Variants in UNC13A observed in about 807,000 individuals in gnomAD.
The protein encoded by UNC13A is unc-13 homolog A, also known as protein unc-13 homolog A.
A neutral mutation model predicts 219.7 loss-of-function variants in UNC13A; 61 were observed. That is an observed-to-expected ratio of 0.28 (90% CI 0.23 to 0.34). UNC13A has a LOEUF of 0.34. UNC13A is among the 10% of genes least tolerant of loss of function. The pLI is 1.00. For synonymous variants in UNC13A, 920 were observed against 884.6 expected, an observed-to-expected ratio of 1.04 and a Z score of -0.71; for missense variants, 1,476 against 2,270.3, an observed-to-expected ratio of 0.65 and a Z score of 7.11.
intron 15 of UNC13A, 74 bp downstream of exon 15, chr19:17,648,838 A>C: frequency 6.5e-7 from 1 of 1,535,848 alleles, no homozygotes; most frequent in South Asian, 1.2e-5. Context: ...GGGGACCCAC[A>C]GAGGCTTGGA....
intron 43 of UNC13A, among the ~76,000 whole-genome samples, chr19:17,609,475 A>G (rs2076578714): frequency 6.6e-6 from 1 of 151,984 alleles, no homozygotes; most frequent in South Asian, 2.1e-4. Flanking sequence ...GGCTGCCCCA[A>G]CGGTCCTGAC....
intron 1 of UNC13A, among the ~76,000 whole-genome samples, chr19:17,678,790 G>C (rs1294660150): frequency 6.6e-6 from 1 of 152,082 alleles, no homozygotes; most frequent in Non-Finnish European, 1.5e-5. Flanking sequence ...AGGGGCAAGA[G>C]GTAGAATGTG....
In UNC13A at chr19:17,630,820, G is replaced by A. The variant is rs910997433; in HGVS notation, c.3429-70C>T. The A allele has an allele frequency of 9.0e-6, 13 of 1,437,924 alleles. No individual in the cohort carries two copies. In the South Asian group the frequency reaches 1.2e-4, roughly 13 times the overall value. 89.1% of individuals were successfully genotyped at this position (1,437,924 alleles called of 1,614,324 possible). A position where few individuals can be genotyped will look rare whatever the true frequency, so the allele number is the denominator to read the frequency against. On this transcript the variant is annotated intron_variant, in intron 28 of 43. Transcript: ENST00000519716. Reference sequence around the variant, plus strand: ...CTCAACCTCTGCGCCGCCTGGTTCTGACCCACTAACGAGTGGAGCTATGGC... The same window carrying A: ...CTCAACCTCTGCGCCGCCTGGTTCTAACCCACTAACGAGTGGAGCTATGGC...
Position 17,653,964 on chromosome 19 carries a change from C to T in UNC13A, c.1393-1287G>A, listed in dbSNP as rs959011031. On this transcript the variant is annotated intron_variant, in intron 11 of 43. Transcript: ENST00000519716. The stretch of plus-strand genomic sequence containing the variant: ...GCCTCAGCCTCCCGAGTAGCTGGGA[C>T]TACAGGCGCCTGCAACCACAGCCGG... Among the ~76,000 whole-genome samples, 40 of 151,684 alleles carry T rather than the reference C, an allele frequency of 2.6e-4. 1 individual carries two copies. Among genetic ancestry groups the T allele is most frequent in the African/African-American group, 9.2e-4 (38 of 41,282 alleles).
intron 4 of UNC13A, among the ~76,000 whole-genome samples, chr19:17,670,813 A>T (rs1254559951): frequency 6.6e-6 from 1 of 151,966 alleles, no homozygotes; most frequent in Non-Finnish European, 1.5e-5. Context: ...TTGAGGCAGG[A>T]GAATCACTTA....
At position 17,618,930 on chromosome 19, in the gene UNC13A, C is replaced by T. The variant is rs191793337; in HGVS notation, c.4305G>A (p.Glu1435=). ...CCTTGAGTTTGGACAGCTGACCCAG[C>T]TCCTTGGCTGCATTGAAGATCATCT... ...GTQMIFNAAK[E]LGQLSKLKDH... is the part of the protein sequence containing the mutation. The change falls in exon 39 of 44, where the codon GAG becomes GAA. Residue 1435 remains glutamate (E), a synonymous_variant. Transcript: ENST00000519716. 5.5e-4 allele frequency: 883 copies of T among 1,614,030 alleles called. 6 individuals are homozygous for T. The African/African-American group carries it at 6.6e-3, about 12-fold the overall frequency.
Position 17,617,742 on chromosome 19 carries a change from G to T in UNC13A, c.4518C>A (p.Asp1506Glu), listed in dbSNP as rs1435226513. 1 of 1,613,976 alleles carries T rather than the reference G, an allele frequency of 6.2e-7. No homozygotes were observed. ...TCTGTACAAAGGTCTTGATTAGCAGGTCGGTGGCCTGCGTGTAGAGCGACA... is the reference window on the plus strand; with the variant it reads ...TCTGTACAAAGGTCTTGATTAGCAGTTCGGTGGCCTGCGTGTAGAGCGACA... ...YALSLYTQAT[D>E]LLIKTFVQTQ... Residue 1506 changes from aspartate to glutamate, a missense_variant, in exon 41 of 44, where the codon GAC (aspartate) becomes GAA (glutamate). Physicochemically the swap from Asp to Glu is conservative, Grantham distance 45. Transcript: ENST00000519716.
chr19:17,648,343 T>C, intron 16 of UNC13A, 88 bp downstream of exon 16: 6 of 210,282 alleles, frequency 2.9e-5, no homozygotes, highest in South Asian at 5.4e-5. Context: ...GCCCCACCCA[T>C]CGCCTTGCCC....
Position 17,627,450 on chromosome 19 carries a change from G to A in UNC13A, c.3920+59C>T. 1 of 1,351,364 alleles carries A rather than the reference G, an allele frequency of 7.4e-7. No individual in the cohort carries two copies. The highest frequency in any genetic ancestry group is 1.3e-5 in the South Asian group (1 of 79,630). The allele number at this position is 1,351,364 out of a possible 1,614,324, so 83.7% of individuals were successfully genotyped here. A position where few individuals can be genotyped will look rare whatever the true frequency, so the allele number is the denominator to read the frequency against. ...TCTGCTGAGCCTCCAGATGCCCCAG[G>A]CTTAGAGGGCTGAAGGCTGTTCCCT... On this transcript the variant is annotated intron_variant, in intron 33 of 43. Coordinates refer to ENST00000519716, the MANE Select transcript of UNC13A (RefSeq NM_001080421.3). This position sits in a 1 kb window ranked among gnomAD's most constrained non-coding sequence, Gnocchi z 4.7.
chr19:17,678,365 G>A (rs2079940652), intron 1 of UNC13A, among the ~76,000 whole-genome samples: 2 of 152,152 alleles, frequency 1.3e-5, no homozygotes, highest in Non-Finnish European at 2.9e-5. Flanking sequence ...TCTAATCCCA[G>A]CTACTCGGGA....
In UNC13A at chr19:17,649,204, C is replaced by A; in HGVS notation, c.1524+135G>T. 1 of 1,411,476 alleles carries A rather than the reference C, an allele frequency of 7.1e-7. No homozygotes were observed. The highest frequency in any genetic ancestry group is 9.7e-7 in the Non-Finnish European group (1 of 1,034,314). The allele number at this position is 1,411,476 out of a possible 1,614,324, so 87.4% of individuals were successfully genotyped here. On this transcript the variant is annotated intron_variant, in intron 14 of 43. Transcript: ENST00000519716. The surrounding 1 kb of genome is among the most constrained non-coding windows in gnomAD (Gnocchi z 4.4). ...CCCTGGAAAGTGAGCAGCCCCGCACCCCTGACTCACAGCATCCAACACAGT... is the reference window on the plus strand; with the variant it reads ...CCCTGGAAAGTGAGCAGCCCCGCACACCTGACTCACAGCATCCAACACAGT...
chr19:17,669,774 C>T, intron 4 of UNC13A, 98 bp from the exon 5 acceptor site: 3 of 1,388,750 alleles, frequency 2.2e-6, no homozygotes, highest in Non-Finnish European at 1.9e-6. Context: ...CACCCCTACC[C>T]CAAAACCAAA....
chr19:17,617,672 G>C, intron 41 of UNC13A, 30 bp downstream of exon 41: 1 of 1,606,474 alleles, frequency 6.2e-7, no homozygotes, highest in Non-Finnish European at 8.5e-7. Flanking sequence ...CGCGGAGCGG[G>C]AAAGGGTGAT....
In UNC13A at chr19:17,674,757, C is replaced by T. The variant is rs2079864139; in HGVS notation, c.53-1G>A. On this transcript the variant is annotated splice_acceptor_variant, in intron 2 of 43. Transcript: ENST00000519716. LOFTEE classifies it high-confidence loss of function. The surrounding 1 kb of genome is among the most constrained non-coding windows in gnomAD (Gnocchi z 5.0). ...AGGGTCACGTACGTGTTGAATTTCT[C>T]TGTGGCAGTGAGAGTAGGGGTCAGC... 1.2e-6 allele frequency: 2 copies of T among 1,613,686 alleles called. No homozygotes were observed. The highest frequency in any genetic ancestry group is 1.7e-5 in the Admixed American group (1 of 59,992).
chr19:17,613,526 C>G (rs975020311), intron 41 of UNC13A, among the ~76,000 whole-genome samples: 3 of 151,978 alleles, frequency 2.0e-5, no homozygotes, highest in Non-Finnish European at 4.4e-5. Context: ...CAATAGGTTA[C>G]TATTACCTCT....
At chr19:17,610,841 TAC>T (rs1352816591) in intron 42 of UNC13A, among the ~76,000 whole-genome samples, 1 of 152,144 alleles carries the variant, frequency 6.6e-6, no homozygotes, top group East Asian at 1.9e-4. Context: ...CCAGCCTGGA[TAC>T]CATAGTGAGA....
At chr19:17,611,731 C>A (rs1174233636) in intron 42 of UNC13A, 32 bp downstream of exon 42, 2 of 1,595,914 alleles carry the variant, frequency 1.3e-6, no homozygotes, top group Non-Finnish European at 1.7e-6. Context: ...GTTTTAGAAC[C>A]TAGCAAGTCC....
intron 41 of UNC13A, among the ~76,000 whole-genome samples, chr19:17,612,727 C>A (rs377147447): frequency 2.0e-5 from 3 of 151,966 alleles, no homozygotes; most frequent in African/African-American, 7.3e-5. Context: ...GCTTGTAGCC[C>A]CAGCTACTCT....
intron 40 of UNC13A, among the ~76,000 whole-genome samples, chr19:17,618,109 C>G (rs1391031158): frequency 6.6e-6 from 1 of 152,156 alleles, no homozygotes; most frequent in Non-Finnish European, 1.5e-5. Flanking sequence ...CAAGAAATGC[C>G]TGGCACGAGG....
Sources: gnomAD v4.1 joint callset for allele counts (sites outside exome capture counted in the v4.1 genomes callset) on GRCh38, gnomAD v4.1.1 for gene constraint, Gnocchi (gnomAD v3.1) non-coding constraint, MANE v1.5 for transcripts, NCBI Gene and HGNC (gene_info 2026-07-23, HGNC 2026-07-21) for gene names.